PKD1L1: variants seen among roughly 807,000 people sequenced by gnomAD.
PKD1L1 encodes polycystin 1 like 1, transient receptor potential channel interacting, also known as polycystin-1-like protein 1.
A neutral mutation model predicts 323.4 loss-of-function variants in PKD1L1; 236 were observed. That is an observed-to-expected ratio of 0.73 (90% CI 0.66 to 0.81). PKD1L1 has a LOEUF of 0.81. PKD1L1 is among the 40% of genes least tolerant of loss of function. The pLI is 0.00. For synonymous variants in PKD1L1, 1,344 were observed against 1,335.0 expected (o/e 1.01, Z -0.15); for missense variants, 3,320 against 3,508.0 (o/e 0.95, Z 1.35).
intron 16 of PKD1L1, 77 bp from the exon 17 acceptor site, chr7:47,888,227 AT>A: frequency 7.0e-7 from 1 of 1,438,664 alleles, no homozygotes; most frequent in East Asian, 2.3e-5. Flanking sequence ...CATGTTAGGC[AT>A]GTTTAAATCA....
In PKD1L1 at chr7:47,842,838, C is replaced by T. The variant is rs563355443; in HGVS notation, c.5445+124G>A. 1.8e-5 allele frequency: 17 copies of T among 931,362 alleles called. No homozygotes were observed. In the Admixed American group the frequency reaches 2.6e-4, roughly 14 times the overall value. The allele number at this position is 931,362 out of a possible 1,614,324, so 57.7% of individuals were successfully genotyped here. A position where few individuals can be genotyped will look rare whatever the true frequency, so the allele number is the denominator to read the frequency against. On this transcript the variant is annotated intron_variant, in intron 34 of 56. Coordinates refer to ENST00000289672, the MANE Select transcript of PKD1L1 (RefSeq NM_138295.5). ...AGTGGAAAGGGCGGGCAAGCTTTGC[C>T]TCAGCAATGAGATGAGGCTGCTGTG...
chr7:47,846,880 T>C lies in PKD1L1; in HGVS notation c.5152A>G (p.Ser1718Gly), dbSNP rs1785675637. The change falls in exon 32 of 57, where the codon AGC (serine) becomes GGC (glycine). Residue 1718 changes from serine (S) to glycine (G), a missense_variant and splice_region_variant. Coordinates refer to ENST00000289672, the MANE Select transcript of PKD1L1 (RefSeq NM_138295.5). Reference protein sequence around the residue: ...PGTSPEKVNCSYHRLAAFALL... With the variant: ...PGTSPEKVNCGYHRLAAFALL... ...ATTCTTTCTCAAATGTGTCTATACC[T>C]GCAGTTCACTTTTTCAGGAGAAGTC... 1 of 1,602,776 alleles carries C rather than the reference T, an allele frequency of 6.2e-7. No individual in the cohort carries two copies. Among genetic ancestry groups the C allele is most frequent in the Admixed American group, 1.8e-5 (1 of 57,056 alleles).
intron 46 of PKD1L1, chr7:47,817,898 G>GT (rs1393616514): frequency 3.0e-6 from 2 of 675,964 alleles, no homozygotes. Flanking sequence ...GCATGTATGA[G>GT]TAAAAGTCTA....
chr7:47,786,479 G>T (rs1786810041), intron 56 of PKD1L1, among the ~76,000 whole-genome samples: 1 of 152,134 alleles, frequency 6.6e-6, no homozygotes, highest in Non-Finnish European at 1.5e-5. Context: ...AGGGAATGCA[G>T]ATTTTCCACA....
rs535990552 is a variant in PKD1L1, at chr7:47,876,681, G to A, written c.3664-464C>T. Among the ~76,000 whole-genome samples the A allele has an allele frequency of 2.0e-5, 3 of 152,298 alleles. No homozygotes were observed. The South Asian group carries it at 6.2e-4, about 32-fold the overall frequency. On this transcript the variant is annotated intron_variant, in intron 22 of 56. Coordinates refer to ENST00000289672, the MANE Select transcript of PKD1L1 (RefSeq NM_138295.5). ...ACAGAAGGGGTCAGGCAGAAGGGCA[G>A]GGAGGTCAGTGTCCTGGCTGAGAGG...
At chr7:47,914,722 C>T (rs2128752614) in intron 8 of PKD1L1, among the ~76,000 whole-genome samples, 2 of 152,232 alleles carry the variant, frequency 1.3e-5, no homozygotes, top group Admixed American at 1.3e-4. Context: ...CTCTCCCCTT[C>T]CTCCCTCTCT....
chr7:47,935,878 A>G (rs1183648842), intron 4 of PKD1L1, among the ~76,000 whole-genome samples: 1 of 152,266 alleles, frequency 6.6e-6, no homozygotes. Context: ...TTGATGGGCC[A>G]CTACCAGTCA....
intron 32 of PKD1L1, among the ~76,000 whole-genome samples, chr7:47,845,872 C>T (rs372110413): frequency 2.3e-4 from 35 of 152,258 alleles, no homozygotes; most frequent in African/African-American, 7.9e-4. Context: ...TGAGCCACCA[C>T]GCCTGGCCTG....
At chr7:47,930,704 A>G (rs1328436743) in intron 6 of PKD1L1, among the ~76,000 whole-genome samples, 1 of 151,802 alleles carries the variant, frequency 6.6e-6, no homozygotes, top group Non-Finnish European at 1.5e-5. Context: ...AGTCCCAGCT[A>G]CTCAGGAGGC....
In PKD1L1 at chr7:47,933,602, TC is replaced by T. The variant is rs373891994; in HGVS notation, c.399-1547del. Among the ~76,000 whole-genome samples the T allele has an allele frequency of 3.3e-4, 51 of 152,254 alleles. 1 individual carries two copies. In the South Asian group the frequency reaches 0.01, roughly 31 times the overall value. Reference sequence around the variant, plus strand: ...GCCACTGCCTGGGCCGCCCTGTTTGTCCCCAACCCTCTCTTCACCATGATCA... The same window carrying T: ...GCCACTGCCTGGGCCGCCCTGTTTGTCCCAACCCTCTCTTCACCATGATCA... On this transcript the variant is annotated intron_variant, in intron 4 of 56. Coordinates refer to ENST00000289672, the MANE Select transcript of PKD1L1 (RefSeq NM_138295.5).
At chr7:47,899,423 G>A (rs6971662) in intron 13 of PKD1L1, among the ~76,000 whole-genome samples, 16,560 of 151,336 alleles carry the variant, frequency 0.11, 2,632 homozygotes, top group African/African-American at 0.35. Context: ...ATATGGGGGG[G>A]AATATTAGTG....
Position 47,896,331 on chromosome 7 carries a change from A to G in PKD1L1, c.2271+1657T>C, listed in dbSNP as rs1402164306. 2.3e-4 allele frequency among the ~76,000 whole-genome samples: 29 copies of G among 125,574 alleles called. No individual in the cohort carries two copies. In the East Asian group the frequency reaches 7.6e-3, roughly 33 times the overall value. 82.4% of individuals were successfully genotyped at this position (125,574 alleles called of 152,430 possible). A position where few individuals can be genotyped will look rare whatever the true frequency, so the allele number is the denominator to read the frequency against. On this transcript the variant is annotated intron_variant, in intron 14 of 56. Transcript: ENST00000289672. ...GGCAACAGAGTGAGACCCTGTCTCA[A>G]AAAAAAAAAAAAAAAAAAAAAAAGG...
intron 15 of PKD1L1, among the ~76,000 whole-genome samples, chr7:47,893,183 T>A (rs1158643872): frequency 6.0e-5 from 8 of 133,984 alleles, no homozygotes; most frequent in Non-Finnish European, 4.6e-5. Context: ...TGAGCTGAGA[T>A]CGAGCCACTG....
rs1345741415 is a variant in PKD1L1 at position 47,797,271 on chromosome 7, G to A, written c.8194-1121C>T. 3.3e-5 allele frequency among the ~76,000 whole-genome samples: 5 copies of A among 152,136 alleles called. No homozygotes were observed. In the East Asian group the frequency reaches 5.8e-4, roughly 18 times the overall value. ...TTTTTGGATGGTTCTTGGCCCCTAC[G>A]CTGTAAACCTGTGGACAGTTTCATA... On this transcript the variant is annotated intron_variant, in intron 54 of 56. Transcript: ENST00000289672.
chr7:47,941,219 G>A (rs952173060), intron 2 of PKD1L1, among the ~76,000 whole-genome samples: 11 of 152,280 alleles, frequency 7.2e-5, no homozygotes, highest in African/African-American at 2.4e-4. Flanking sequence ...TGTCAGACCC[G>A]AGTCCCTGTA....
chr7:47,857,091 C>T (rs1785921748), intron 28 of PKD1L1, among the ~76,000 whole-genome samples: 1 of 152,252 alleles, frequency 6.6e-6, no homozygotes, highest in Non-Finnish European at 1.5e-5. Context: ...CCTGACCTCT[C>T]AGGGAGCCAG....
chr7:47,823,956 T>A (rs1583597828), intron 45 of PKD1L1, among the ~76,000 whole-genome samples: 1 of 152,342 alleles, frequency 6.6e-6, no homozygotes, highest in East Asian at 1.9e-4. Context: ...GAACTTCAAT[T>A]CAGTAGTTTC....
chr7:47,840,717 A>C lies in PKD1L1; in HGVS notation c.5446-150T>G. ...GAGTGCCACAGCCTAGAGCCAGGGG[A>C]TGAGTGGGCACGTCCAGTCCCAGGC... is the stretch of plus-strand genomic sequence containing the variant. On this transcript the variant is annotated intron_variant, in intron 34 of 56. Coordinates refer to ENST00000289672, the MANE Select transcript of PKD1L1 (RefSeq NM_138295.5). The surrounding 1 kb of genome is among the most constrained non-coding windows in gnomAD (Gnocchi z 4.1). 1 of 603,882 alleles carries C rather than the reference A, an allele frequency of 1.7e-6. No homozygotes were observed. Among genetic ancestry groups the C allele is most frequent in the Non-Finnish European group, 2.9e-6 (1 of 340,858 alleles). 37.4% of individuals were successfully genotyped at this position (603,882 alleles called of 1,614,324 possible).
At chr7:47,797,016 A>C (rs1784557210) in intron 54 of PKD1L1, among the ~76,000 whole-genome samples, 2 of 148,486 alleles carry the variant, frequency 1.3e-5, no homozygotes, top group Admixed American at 6.7e-5. Flanking sequence ...AAAAAAAAAA[A>C]CACCCAAACA....
Sources: gnomAD v4.1 joint callset for allele counts (sites outside exome capture counted in the v4.1 genomes callset) on GRCh38, gnomAD v4.1.1 for gene constraint, Gnocchi (gnomAD v3.1) non-coding constraint, MANE v1.5 for transcripts, NCBI Gene and HGNC (gene_info 2026-07-23, HGNC 2026-07-21) for gene names.